Variants in PTPRN2 observed in about 807,000 individuals in gnomAD.
The protein encoded by PTPRN2 is receptor-type tyrosine-protein phosphatase N2.
PTPRN2 carries 74 observed loss-of-function variants against 118.8 expected under a neutral mutation model. The observed-to-expected ratio is 0.62, with a 90% CI of 0.52 to 0.76. PTPRN2 has a LOEUF of 0.76. Among genes scored for constraint, PTPRN2 ranks in the 30% least tolerant of loss-of-function variants. The probability of loss-of-function intolerance (pLI) is 0.00; values close to 1 mark genes in which losing one functional copy is unlikely to be tolerated. For missense variants in PTPRN2, 1,481 were observed against 1,394.4 expected (o/e 1.06, Z -0.99); for synonymous variants, 641 against 608.0 (o/e 1.05, Z -0.80).
intron 11 of PTPRN2, among the ~76,000 whole-genome samples, chr7:158,002,272 C>T (rs1253788754): frequency 2.6e-5 from 4 of 152,214 alleles, no homozygotes; most frequent in Non-Finnish European, 4.4e-5. Flanking sequence ...TGGATGGTCA[C>T]TCACTCACCC....
At chr7:158,222,808 T>C (rs1376575112) in intron 3 of PTPRN2, among the ~76,000 whole-genome samples, 4 of 150,976 alleles carry the variant, frequency 2.6e-5, no homozygotes, top group Non-Finnish European at 5.9e-5. Flanking sequence ...CCAAATAAAG[T>C]AGAAGAAAAT....
intron 12 of PTPRN2, among the ~76,000 whole-genome samples, chr7:157,846,677 CG>C (rs1808828304): frequency 6.6e-6 from 1 of 151,332 alleles, no homozygotes; most frequent in Non-Finnish European, 1.5e-5. Context: ...CATGCGTGCC[CG>C]ATGTCTACAG....
intron 1 of PTPRN2, among the ~76,000 whole-genome samples, chr7:158,518,515 T>C (rs1330543403): frequency 6.6e-6 from 1 of 152,100 alleles, no homozygotes; most frequent in Admixed American, 6.5e-5. Context: ...GGCTAAAGGA[T>C]ACGGCTCAAG....
chr7:158,420,399 T>C (rs796332136), intron 2 of PTPRN2, among the ~76,000 whole-genome samples: 83 of 152,304 alleles, frequency 5.4e-4, no homozygotes, highest in African/African-American at 1.9e-3. Flanking sequence ...TTTCAGAACA[T>C]AGAATCTTGG....
intron 9 of PTPRN2, among the ~76,000 whole-genome samples, chr7:158,125,086 A>G (rs973982007): frequency 6.6e-6 from 1 of 152,124 alleles, no homozygotes; most frequent in African/African-American, 2.4e-5. Context: ...TGGGGCACAG[A>G]GCCCACTGAG....
intron 2 of PTPRN2, among the ~76,000 whole-genome samples, chr7:158,407,410 G>T (rs878935757): frequency 6.1e-5 from 1 of 16,280 alleles, no homozygotes; most frequent in Admixed American, 6.0e-4. Flanking sequence ...CTGCGTCCTG[G>T]GTCCTGGGTC....
At chr7:158,001,247 G>A (rs796794491) in intron 11 of PTPRN2, among the ~76,000 whole-genome samples, 57 of 151,724 alleles carry the variant, frequency 3.8e-4, no homozygotes, top group African/African-American at 1.4e-3. Context: ...CGTAGGTGGG[G>A]TACAGGGTGG....
intron 2 of PTPRN2, among the ~76,000 whole-genome samples, chr7:158,362,434 C>T (rs1186768555): frequency 1.3e-5 from 2 of 152,128 alleles, no homozygotes; most frequent in Non-Finnish European, 2.9e-5. Flanking sequence ...TAAAGATGGC[C>T]TAATTAAGGC....
Position 157,813,042 on chromosome 7 carries a change from C to G in PTPRN2, c.1788+85631G>C, listed in dbSNP as rs1390818477. On this transcript the variant is annotated intron_variant, in intron 12 of 22. Coordinates refer to ENST00000389418, the MANE Select transcript of PTPRN2 (RefSeq NM_002847.5). This position sits in a 1 kb window ranked among gnomAD's most constrained non-coding sequence, Gnocchi z 4.7. ...CTGTTAAAAAGAGATGACTCGGTGACAAACAGGAGGACGGTGCTCAAATGA... is the reference window on the plus strand; with the variant it reads ...CTGTTAAAAAGAGATGACTCGGTGAGAAACAGGAGGACGGTGCTCAAATGA... Among the ~76,000 whole-genome samples the G allele has an allele frequency of 1.3e-5, 2 of 152,170 alleles. No homozygotes were observed. The highest frequency in any genetic ancestry group is 3.8e-4 in the East Asian group (2 of 5,196).
At chr7:158,090,306 A>G (rs2128943928) in intron 10 of PTPRN2, among the ~76,000 whole-genome samples, 1 of 152,368 alleles carries the variant, frequency 6.6e-6, no homozygotes, top group East Asian at 1.9e-4. Context: ...AACAAAAGCT[A>G]TTTATTGCCG....
chr7:158,295,179 G>A (rs542600551), intron 3 of PTPRN2, among the ~76,000 whole-genome samples: 2 of 106,044 alleles, frequency 1.9e-5, no homozygotes, highest in African/African-American at 3.7e-5. Context: ...GCACCACATC[G>A]TGGTTCACCT....
intron 2 of PTPRN2, among the ~76,000 whole-genome samples, chr7:158,413,394 CA>C (rs1297238716): frequency 6.6e-6 from 1 of 152,160 alleles, no homozygotes. Flanking sequence ...CGAATGCACA[CA>C]AAAAAATAAA....
At chr7:158,074,325 G>C (rs73748024) in intron 11 of PTPRN2, among the ~76,000 whole-genome samples, 2,582 of 152,264 alleles carry the variant, frequency 0.017, 75 homozygotes, top group African/African-American at 0.059. Flanking sequence ...GACCCCCTCG[G>C]CAGCTTCCCA....
intron 11 of PTPRN2, among the ~76,000 whole-genome samples, chr7:158,011,097 G>A (rs1359268008): frequency 6.6e-6 from 1 of 152,222 alleles, no homozygotes; most frequent in Non-Finnish European, 1.5e-5. Flanking sequence ...CAAATGACAG[G>A]AAGGTGTGCA....
intron 11 of PTPRN2, among the ~76,000 whole-genome samples, chr7:158,032,158 A>G (rs1335057451): frequency 1.3e-5 from 2 of 152,230 alleles, no homozygotes; most frequent in African/African-American, 4.8e-5. Flanking sequence ...CTGGCTAAGC[A>G]AAAAGCCAAA....
chr7:158,322,904 A>AGGGGATGGTGGCTAAGT (rs1197513802), intron 2 of PTPRN2, among the ~76,000 whole-genome samples: 6 of 152,204 alleles, frequency 3.9e-5, no homozygotes, highest in African/African-American at 1.4e-4. Context: ...AGCCCCAACC[A>AGGGGATGGTGGCTAAGT]GGGGATGGTG....
chr7:158,156,467 A>G (rs2335480), intron 6 of PTPRN2, among the ~76,000 whole-genome samples: 94,459 of 152,104 alleles, frequency 0.62, 30,362 homozygotes, highest in East Asian at 0.79. Context: ...TACAGATGTC[A>G]GAGGGTTGGG....
intron 9 of PTPRN2, among the ~76,000 whole-genome samples, chr7:158,129,914 A>G (rs1818034517): frequency 6.6e-6 from 1 of 152,216 alleles, no homozygotes; most frequent in Non-Finnish European, 1.5e-5. Context: ...CTCCAAGCAA[A>G]GAGCCTGGAA....
chr7:158,171,014 T>C (rs1296185836), intron 5 of PTPRN2, among the ~76,000 whole-genome samples: 1 of 146,744 alleles, frequency 6.8e-6, no homozygotes, highest in African/African-American at 2.5e-5. Flanking sequence ...TATATACACA[T>C]ACATATATAT....
Sources: gnomAD v4.1 joint callset for allele counts (sites outside exome capture counted in the v4.1 genomes callset) on GRCh38, gnomAD v4.1.1 for gene constraint, Gnocchi (gnomAD v3.1) non-coding constraint, MANE v1.5 for transcripts, NCBI Gene and HGNC (gene_info 2026-07-23, HGNC 2026-07-21) for gene names.